The following PARD3B variants were observed in gnomAD, a reference collection of about 807,000 sequenced individuals.
The protein encoded by PARD3B is partitioning defective 3 homolog B.
A neutral mutation model predicts 130.2 loss-of-function variants in PARD3B; 103 were observed. The observed-to-expected ratio is 0.79, with a 90% CI of 0.67 to 0.93. PARD3B has a LOEUF of 0.93. Ranked by LOEUF, PARD3B falls within the 40% of genes least tolerant of loss-of-function variation. The pLI is 0.00. For synonymous variants in PARD3B, 583 were observed against 553.2 expected, an observed-to-expected ratio of 1.05 and a Z score of -0.76; for missense variants, 1,609 against 1,499.2, an observed-to-expected ratio of 1.07 and a Z score of -1.21.
intron 2 of PARD3B, among the ~76,000 whole-genome samples, chr2:204,807,549 T>TG (rs2042814399): frequency 6.6e-6 from 1 of 152,136 alleles, no homozygotes; most frequent in Non-Finnish European, 1.5e-5. Context: ...CACTCTCATG[T>TG]TTATTGCAGC....
chr2:205,341,647 G>T lies in PARD3B; in HGVS notation c.2630+39946G>T, dbSNP rs562567111. ...GTTGGTTAACAGACTCAAAATCATA[G>T]CTTCCGACAGCACTGTTGGTTAAAT... On this transcript the variant is annotated intron_variant, in intron 18 of 22. Transcript: ENST00000406610. The surrounding 1 kb of genome is among the most constrained non-coding windows in gnomAD (Gnocchi z 4.3). 1.3e-5 allele frequency among the ~76,000 whole-genome samples: 2 copies of T among 152,168 alleles called. No individual in the cohort carries two copies. Among genetic ancestry groups the T allele is most frequent in the South Asian group, 4.1e-4 (2 of 4,826 alleles).
At chr2:205,498,359 A>C (rs2050022857) in intron 20 of PARD3B, among the ~76,000 whole-genome samples, 1 of 151,342 alleles carries the variant, frequency 6.6e-6, no homozygotes, top group Admixed American at 6.6e-5. Context: ...AAAATTAGCC[A>C]GGTGTGGTGG....
At chr2:204,646,170 C>G (rs1173386373) in intron 1 of PARD3B, among the ~76,000 whole-genome samples, 1 of 152,026 alleles carries the variant, frequency 6.6e-6, no homozygotes, top group Non-Finnish European at 1.5e-5. Flanking sequence ...AAATACATAC[C>G]TCTGCACTTG....
chr2:205,456,257 C>CATCT (rs1229112145), intron 20 of PARD3B, among the ~76,000 whole-genome samples: 4 of 152,106 alleles, frequency 2.6e-5, no homozygotes, highest in Admixed American at 2.0e-4. Context: ...CTTAATCATT[C>CATCT]ATCTGTTCCT....
intron 20 of PARD3B, among the ~76,000 whole-genome samples, chr2:205,465,955 T>C (rs2048606305): frequency 1.3e-5 from 2 of 152,184 alleles, no homozygotes; most frequent in African/African-American, 4.8e-5. Flanking sequence ...TCAGCTTCCA[T>C]GGGGTTCTCC....
chr2:204,838,441 C>T (rs1246613863), intron 2 of PARD3B, among the ~76,000 whole-genome samples: 2 of 151,552 alleles, frequency 1.3e-5, no homozygotes, highest in African/African-American at 4.9e-5. Flanking sequence ...TCTCAAACTC[C>T]TGACCTCAGT....
At chr2:205,079,512 A>G (rs1701276070) in intron 4 of PARD3B, among the ~76,000 whole-genome samples, 1 of 152,188 alleles carries the variant, frequency 6.6e-6, no homozygotes, top group African/African-American at 2.4e-5. Context: ...GGCTTCGCCA[A>G]TTCCCTCCAG....
intron 15 of PARD3B, among the ~76,000 whole-genome samples, chr2:205,215,757 C>T (rs2037875475): frequency 6.6e-6 from 1 of 151,918 alleles, no homozygotes; most frequent in Non-Finnish European, 1.5e-5. Context: ...ATCTTCTACC[C>T]AGTAATTCTA....
rs1395160469 is a variant in PARD3B, at chr2:205,288,625, T to C, written c.2186-11905T>C. Among the ~76,000 whole-genome samples, 1 of 152,210 alleles carries C rather than the reference T, an allele frequency of 6.6e-6. No homozygotes were observed. Among genetic ancestry groups the C allele is most frequent in the Non-Finnish European group, 1.5e-5 (1 of 68,026 alleles). ...CATGCCTTTACTTTATCCTTTCTAC[T>C]CATGTTTATTTCCCACCAATCTCTA... On this transcript the variant is annotated intron_variant, in intron 16 of 22. Coordinates refer to ENST00000406610, the MANE Select transcript of PARD3B (RefSeq NM_001302769.2). The surrounding 1 kb of genome is among the most constrained non-coding windows in gnomAD (Gnocchi z 4.0).
chr2:205,335,383 C>T (rs976907645), intron 18 of PARD3B, among the ~76,000 whole-genome samples: 3 of 152,154 alleles, frequency 2.0e-5, no homozygotes, highest in African/African-American at 7.2e-5. Context: ...TCACTATGCT[C>T]GTTGTAGAAT....
In PARD3B at chr2:204,606,225, G is replaced by A. The variant is rs771612883; in HGVS notation, c.120+60106G>A. On this transcript the variant is annotated intron_variant, in intron 1 of 22. Transcript: ENST00000406610. This position sits in a 1 kb window ranked among gnomAD's most constrained non-coding sequence, Gnocchi z 4.0. Reference sequence around the variant, plus strand: ...CATGTGGCATAGTGCAGCGCCTTATGTATTGGTGTTTAAAATCAGTTGTGT... The same window carrying A: ...CATGTGGCATAGTGCAGCGCCTTATATATTGGTGTTTAAAATCAGTTGTGT... Among the ~76,000 whole-genome samples, 12 of 152,156 alleles carry A rather than the reference G, an allele frequency of 7.9e-5. No individual in the cohort carries two copies. Among genetic ancestry groups the A allele is most frequent in the African/African-American group, 2.7e-4 (11 of 41,440 alleles).
At position 204,916,109 on chromosome 2, in the gene PARD3B, C is replaced by G. The variant is rs907325012; in HGVS notation, c.223-49043C>G. ...TAGCACAAATAGCCATTGAAAAGAA[C>G]TGTTAGAATAACTGTTGACAGGAAA... On this transcript the variant is annotated intron_variant, in intron 2 of 22. Transcript: ENST00000406610. 3.3e-5 allele frequency among the ~76,000 whole-genome samples: 5 copies of G among 152,260 alleles called. No individual in the cohort carries two copies. In the South Asian group the frequency reaches 1.0e-3, roughly 32 times the overall value.
intron 1 of PARD3B, among the ~76,000 whole-genome samples, chr2:204,587,162 A>T (rs1198220668): frequency 6.6e-6 from 1 of 152,180 alleles, no homozygotes; most frequent in Non-Finnish European, 1.5e-5. Flanking sequence ...GGGACTATAG[A>T]GGATATGCCA....
rs187302728 is a variant in PARD3B, at chr2:205,030,227, T to C, written c.395-17354T>C. ...GAGGTGAGCTTCAGAGGAAGAAGCA[T>C]GAGCTTTACCTGGAACCCATAATAT... On this transcript the variant is annotated intron_variant, in intron 3 of 22. Transcript: ENST00000406610. 3.0e-3 allele frequency among the ~76,000 whole-genome samples: 454 copies of C among 152,226 alleles called. 6 individuals carry two copies. Among genetic ancestry groups the C allele is most frequent in the African/African-American group, 0.01 (432 of 41,560 alleles).
chr2:205,279,704 G>C (rs901848034), intron 16 of PARD3B, among the ~76,000 whole-genome samples: 1 of 152,090 alleles, frequency 6.6e-6, no homozygotes, highest in African/African-American at 2.4e-5. Flanking sequence ...AGCGGGAAAG[G>C]TTGCTTTTGA....
intron 1 of PARD3B, among the ~76,000 whole-genome samples, chr2:204,583,032 G>A (rs1190485907): frequency 3.3e-5 from 5 of 151,230 alleles, no homozygotes; most frequent in Non-Finnish European, 5.9e-5. Flanking sequence ...TGGTGGGACT[G>A]TAAACTAGTT....
intron 2 of PARD3B, among the ~76,000 whole-genome samples, chr2:204,696,536 CTGA>C (rs2037619657): frequency 1.3e-5 from 2 of 152,176 alleles, no homozygotes; most frequent in East Asian, 3.9e-4. Flanking sequence ...TGGAATCAAA[CTGA>C]TGTTTGTCAC....
At chr2:204,569,449 G>A (rs969234802) in intron 1 of PARD3B, among the ~76,000 whole-genome samples, 1 of 152,180 alleles carries the variant, frequency 6.6e-6, no homozygotes, top group South Asian at 2.1e-4. Context: ...GTGTAACATA[G>A]AGTAGTAATC....
intron 11 of PARD3B, among the ~76,000 whole-genome samples, chr2:205,171,125 A>G (rs1452475994): frequency 6.6e-6 from 1 of 152,220 alleles, no homozygotes; most frequent in Non-Finnish European, 1.5e-5. Context: ...TGTAAGGGTA[A>G]ACTGTTACAC....
Sources: gnomAD v4.1 joint callset for allele counts (sites outside exome capture counted in the v4.1 genomes callset) on GRCh38, gnomAD v4.1.1 for gene constraint, Gnocchi (gnomAD v3.1) non-coding constraint, MANE v1.5 for transcripts, NCBI Gene and HGNC (gene_info 2026-07-23, HGNC 2026-07-21) for gene names.